The following DMGDH variants were observed in gnomAD, a reference collection of about 807,000 sequenced individuals.
DMGDH encodes dimethylglycine dehydrogenase.
In DMGDH, 76 loss-of-function variants were observed where a neutral mutation model predicts 95.2. That is an observed-to-expected ratio of 0.80 (90% CI 0.66 to 0.97). The LOEUF (loss-of-function observed/expected upper bound fraction) is 0.97, where lower values mean the gene tolerates loss of function less well. DMGDH is among the 50% of genes least tolerant of loss of function. DMGDH has a pLI of 0.00. For missense variants in DMGDH, 987 were observed against 1,055.0 expected (o/e 0.94, Z 0.89); for synonymous variants, 345 against 377.6 (o/e 0.91, Z 1.00).
chr5:79,048,342 C>T (rs1754739776), intron 5 of DMGDH, among the ~76,000 whole-genome samples: 1 of 152,096 alleles, frequency 6.6e-6, no homozygotes, highest in Non-Finnish European at 1.5e-5. Flanking sequence ...TGGACAATGC[C>T]GAAAACACAT....
chr5:79,010,301 T>A (rs554561983), intron 14 of DMGDH, among the ~76,000 whole-genome samples: 4 of 152,330 alleles, frequency 2.6e-5, no homozygotes, highest in Admixed American at 6.5e-5. Flanking sequence ...AGATATGTAG[T>A]TAAAATCAAA....
intron 14 of DMGDH, among the ~76,000 whole-genome samples, chr5:79,015,036 G>C (rs1262443097): frequency 2.0e-5 from 3 of 152,078 alleles, no homozygotes; most frequent in Non-Finnish European, 4.4e-5. Flanking sequence ...TATATCTGAA[G>C]GGTCCAAAGC....
chr5:79,003,350 C>A (rs1159880088), intron 15 of DMGDH, among the ~76,000 whole-genome samples: 2 of 152,106 alleles, frequency 1.3e-5, no homozygotes, highest in South Asian at 4.1e-4. Context: ...TAATTAATGG[C>A]AGAGCTGGTT....
chr5:79,048,617 T>G (rs1754748533), intron 5 of DMGDH, among the ~76,000 whole-genome samples: 1 of 152,224 alleles, frequency 6.6e-6, no homozygotes, highest in Non-Finnish European at 1.5e-5. Context: ...GTTGCTTTTG[T>G]TCATAAAACT....
rs1397818690 is a variant in DMGDH, at chr5:79,036,591, T to C, written c.1194-3183A>G. The stretch of plus-strand genomic sequence containing the variant: ...GACAAAACAAATGTCCAAAGTAAAA[T>C]AGCTGTGGCTGAGGATATTCTGCGA... On this transcript the variant is annotated intron_variant, in intron 7 of 15. Transcript: ENST00000255189. 7.9e-5 allele frequency among the ~76,000 whole-genome samples: 12 copies of C among 152,298 alleles called. No homozygotes were observed. The South Asian group carries it at 2.3e-3, about 29-fold the overall frequency.
At chr5:79,001,743 G>A (rs1753458154) in intron 15 of DMGDH, among the ~76,000 whole-genome samples, 1 of 152,174 alleles carries the variant, frequency 6.6e-6, no homozygotes, top group Non-Finnish European at 1.5e-5. Flanking sequence ...CCTTATTTAT[G>A]AGTGCTATTT....
chr5:79,045,950 T>C (rs1277262296), intron 5 of DMGDH, among the ~76,000 whole-genome samples: 1 of 152,248 alleles, frequency 6.6e-6, no homozygotes, highest in East Asian at 1.9e-4. Flanking sequence ...TTCTATTGTT[T>C]TGTTTGTTGC....
chr5:79,053,653 T>C (rs1743489981), intron 4 of DMGDH, among the ~76,000 whole-genome samples: 1 of 152,134 alleles, frequency 6.6e-6, no homozygotes, highest in African/African-American at 2.4e-5. Flanking sequence ...TATTACCCAC[T>C]AGGAAAAAAC....
chr5:79,002,599 A>C (rs1456609556), intron 15 of DMGDH, among the ~76,000 whole-genome samples: 1 of 152,208 alleles, frequency 6.6e-6, no homozygotes, highest in Non-Finnish European at 1.5e-5. Flanking sequence ...AGTGCCTAGA[A>C]TATCGCTGGC....
chr5:79,066,662 C>G (rs773755174), intron 1 of DMGDH, among the ~76,000 whole-genome samples: 1 of 152,076 alleles, frequency 6.6e-6, no homozygotes, highest in Non-Finnish European at 1.5e-5. Context: ...CATGATGAGA[C>G]TTATGTTATG....
At chr5:79,018,912 A>G (rs1753798873) in intron 14 of DMGDH, among the ~76,000 whole-genome samples, 2 of 152,076 alleles carry the variant, frequency 1.3e-5, no homozygotes, top group Non-Finnish European at 2.9e-5. Flanking sequence ...ATGGTCAACT[A>G]CACTTCAGCT....
At chr5:79,059,639 TG>T (rs1239463308) in intron 2 of DMGDH, among the ~76,000 whole-genome samples, 5 of 152,250 alleles carry the variant, frequency 3.3e-5, no homozygotes, top group Non-Finnish European at 7.3e-5. Context: ...CATATCATTT[TG>T]GGGCAGAAAA....
At chr5:79,033,928 T>C (rs749650997) in intron 7 of DMGDH, among the ~76,000 whole-genome samples, 1 of 149,418 alleles carries the variant, frequency 6.7e-6, no homozygotes, top group Non-Finnish European at 1.5e-5. Flanking sequence ...CAAGACCCTC[T>C]CTCAAAAAAC....
At chr5:79,055,779 T>C (rs757742897) in intron 3 of DMGDH, 31 bp downstream of exon 3, 1 of 1,420,504 alleles carries the variant, frequency 7.0e-7, no homozygotes. Context: ...GAAGCCGACC[T>C]AACAGACAGT....
rs181524391 is a variant in DMGDH, at chr5:79,056,647, A to G, written c.277-739T>C. Among the ~76,000 whole-genome samples the G allele has an allele frequency of 1.1e-4, 17 of 152,128 alleles. No homozygotes were observed. In the East Asian group the frequency reaches 3.3e-3, roughly 29 times the overall value. On this transcript the variant is annotated intron_variant, in intron 2 of 15. Transcript: ENST00000255189. ...GGTGGGTGGATTACCTGAGGTCAGG[A>G]GTTCGAGACCAGCCTGGCCAATATG...
chr5:79,026,159 C>T (rs1753995016), intron 13 of DMGDH, among the ~76,000 whole-genome samples: 2 of 152,160 alleles, frequency 1.3e-5, no homozygotes, highest in South Asian at 2.1e-4. Flanking sequence ...TGAGGCAAGC[C>T]GGCTCCCCAA....
At position 79,042,446 on chromosome 5, in the gene DMGDH, G is replaced by T. The variant is rs143021634; in HGVS notation, c.1030C>A (p.Arg344=). 1.9e-6 allele frequency: 3 copies of T among 1,613,966 alleles called. No individual in the cohort carries two copies. The highest frequency in any genetic ancestry group is 2.5e-6 in the Non-Finnish European group (3 of 1,180,020). The change falls in exon 7 of 16, where the codon CGA becomes AGA. Residue 344 remains arginine, a synonymous_variant. Transcript: ENST00000255189. ...GCAGCTTTGATGTGTTCCATGATTC[G>T]ATCTAGATCAGACTCAAAGAGTTCC... The part of the protein sequence containing the change: ...GKELFESDLD[R]IMEHIKAAME...
chr5:79,024,230 G>A, intron 14 of DMGDH, 41 bp downstream of exon 14: 1 of 1,562,284 alleles, frequency 6.4e-7, no homozygotes, highest in Non-Finnish European at 8.8e-7. Flanking sequence ...GCATCATAAT[G>A]TTAAGATTTA....
At chr5:79,038,320 C>T (rs1393606802) in intron 7 of DMGDH, among the ~76,000 whole-genome samples, 3 of 152,026 alleles carry the variant, frequency 2.0e-5, no homozygotes, top group Non-Finnish European at 4.4e-5. Context: ...CCCATCTCTA[C>T]TAAAAATACA....
Sources: allele counts gnomAD v4.1 joint callset (sites outside exome capture counted in the v4.1 genomes callset), GRCh38; gene constraint gnomAD v4.1.1; transcripts MANE v1.5; gene names NCBI Gene and HGNC (gene_info 2026-07-23, HGNC 2026-07-21).